Variants in LRP1B observed in about 807,000 individuals in gnomAD.
LRP1B encodes the protein LDL receptor related protein 1B.
Under a neutral mutation model 556.6 loss-of-function variants are expected in LRP1B, and 217 were observed. That is an observed-to-expected ratio of 0.39 (90% CI 0.35 to 0.44). The LOEUF is 0.44. Ranked by LOEUF, LRP1B falls within the 20% of genes least tolerant of loss-of-function variation. The pLI, the probability that LRP1B is intolerant of heterozygous loss-of-function variation, is 1.00. For synonymous variants in LRP1B, 2,047 were observed against 1,865.8 expected, an observed-to-expected ratio of 1.10 and a Z score of -2.50; for missense variants, 5,053 against 5,620.8, an observed-to-expected ratio of 0.90 and a Z score of 3.23.
At chr2:140,272,257 AAACACACAC>A (rs398104763) in intron 85 of LRP1B, among the ~76,000 whole-genome samples, 1 of 79,886 alleles carries the variant, frequency 1.3e-5, no homozygotes, top group South Asian at 5.2e-4. Flanking sequence ...GTGCACACAC[AAACACACAC>A]ACACACACAC....
chr2:141,242,343 AAAGT>A (rs1558955161), intron 5 of LRP1B, among the ~76,000 whole-genome samples: 1 of 152,156 alleles, frequency 6.6e-6, no homozygotes, highest in Non-Finnish European at 1.5e-5. Context: ...CTAGAGTTTT[AAAGT>A]AAGAGCCATA....
At chr2:141,135,395 A>G (rs1351373476) in intron 7 of LRP1B, among the ~76,000 whole-genome samples, 2 of 151,986 alleles carry the variant, frequency 1.3e-5, no homozygotes. Context: ...CATTTTATAT[A>G]TAATTCCTAG....
In LRP1B at chr2:141,679,950, C is replaced by T. The variant is rs966001047; in HGVS notation, c.205+130329G>A. On this transcript the variant is annotated intron_variant, in intron 2 of 90. Transcript: ENST00000389484. ...ATATTAGGGTGGAAAGTTTATATAT[C>T]TATCTTAAGATAATAGTCAACTCTG... Among the ~76,000 whole-genome samples, 8 of 151,526 alleles carry T rather than the reference C, an allele frequency of 5.3e-5. No individual in the cohort carries two copies. The South Asian group carries it at 1.7e-3, about 31-fold the overall frequency.
intron 1 of LRP1B, among the ~76,000 whole-genome samples, chr2:141,826,709 T>C (rs1208562530): frequency 6.6e-6 from 1 of 152,200 alleles, no homozygotes; most frequent in Non-Finnish European, 1.5e-5. Flanking sequence ...ATAATAACTC[T>C]GAAAGTAATC....
intron 2 of LRP1B, among the ~76,000 whole-genome samples, chr2:141,613,603 T>C (rs1688186392): frequency 6.6e-6 from 1 of 152,200 alleles, no homozygotes; most frequent in African/African-American, 2.4e-5. Context: ...ACACTTTACA[T>C]TGGAGTCAAT....
At chr2:141,084,517 A>G (rs987398899) in intron 7 of LRP1B, among the ~76,000 whole-genome samples, 1 of 152,192 alleles carries the variant, frequency 6.6e-6, no homozygotes, top group African/African-American at 2.4e-5. Flanking sequence ...GTTATAGTAC[A>G]ATTTATACTT....
intron 43 of LRP1B, among the ~76,000 whole-genome samples, chr2:140,560,657 C>T (rs537347478): frequency 2.6e-5 from 4 of 152,182 alleles, no homozygotes. Flanking sequence ...CCATATTTAA[C>T]AATAGCAAAA....
At chr2:140,960,565 A>G (rs1696004661) in intron 18 of LRP1B, among the ~76,000 whole-genome samples, 1 of 151,858 alleles carries the variant, frequency 6.6e-6, no homozygotes, top group Non-Finnish European at 1.5e-5. Flanking sequence ...AACGTTAAAA[A>G]AAGAAGCATG....
intron 41 of LRP1B, among the ~76,000 whole-genome samples, chr2:140,640,321 C>G (rs1264698442): frequency 6.8e-6 from 1 of 146,050 alleles, no homozygotes; most frequent in Non-Finnish European, 1.5e-5. Context: ...GATTATTTCA[C>G]TGGTCACCCT....
At chr2:141,932,769 T>C (rs1231096371) in intron 1 of LRP1B, among the ~76,000 whole-genome samples, 1 of 152,020 alleles carries the variant, frequency 6.6e-6, no homozygotes, top group African/African-American at 2.4e-5. Context: ...TTGAAGAAAG[T>C]TTATTTTGAA....
At chr2:142,124,220 T>C (rs1005615835) in intron 1 of LRP1B, among the ~76,000 whole-genome samples, 2 of 151,660 alleles carry the variant, frequency 1.3e-5, no homozygotes, top group African/African-American at 2.4e-5. Context: ...ACCCCAATCA[T>C]GTTGAGACAT....
intron 87 of LRP1B, among the ~76,000 whole-genome samples, chr2:140,242,178 T>C (rs1052789399): frequency 1.2e-4 from 18 of 151,148 alleles, no homozygotes; most frequent in Non-Finnish European, 2.2e-4. Flanking sequence ...ACATTAATTA[T>C]ATTTGTCTCA....
chr2:140,641,668 C>T (rs530028763), intron 41 of LRP1B, among the ~76,000 whole-genome samples: 3 of 152,276 alleles, frequency 2.0e-5, no homozygotes, highest in African/African-American at 7.2e-5. Flanking sequence ...CAGTGCCAAG[C>T]ATGGTGCCTA....
At chr2:140,914,102 A>T (rs1430428470) in intron 21 of LRP1B, among the ~76,000 whole-genome samples, 1 of 152,134 alleles carries the variant, frequency 6.6e-6, no homozygotes, top group African/African-American at 2.4e-5. Flanking sequence ...GATTCAGCAA[A>T]TTTGAACGAC....
intron 7 of LRP1B, among the ~76,000 whole-genome samples, chr2:141,106,383 T>C (rs1469402231): frequency 6.6e-6 from 1 of 152,186 alleles, no homozygotes. Context: ...TATTTTTAAA[T>C]CATTTTCTAA....
At chr2:141,647,248 T>C (rs1414998109) in intron 2 of LRP1B, among the ~76,000 whole-genome samples, 1 of 152,206 alleles carries the variant, frequency 6.6e-6, no homozygotes, top group Admixed American at 6.5e-5. Flanking sequence ...TTCTAGTCAA[T>C]CTACTGGGTA....
intron 23 of LRP1B, among the ~76,000 whole-genome samples, chr2:140,895,629 T>C (rs986392201): frequency 3.3e-5 from 5 of 152,154 alleles, no homozygotes; most frequent in African/African-American, 1.2e-4. Context: ...CAACCCCCTG[T>C]AACCTGAGCT....
rs1304270150 is a variant in LRP1B, at chr2:140,370,946, G to A, written c.10876-104C>T. The A allele has an allele frequency of 4.1e-6, 5 of 1,233,254 alleles. No homozygotes were observed. The African/African-American group carries it at 4.6e-5, about 11-fold the overall frequency. 76.4% of individuals were successfully genotyped at this position (1,233,254 alleles called of 1,614,324 possible). Reference sequence around the variant, plus strand: ...TAATACTAGAGCTTTATTATACCATGGGCTTTCTTTCATTTTGTCTTAATG... The same window carrying A: ...TAATACTAGAGCTTTATTATACCATAGGCTTTCTTTCATTTTGTCTTAATG... On this transcript the variant is annotated intron_variant, in intron 70 of 90. Coordinates refer to ENST00000389484, the MANE Select transcript of LRP1B (RefSeq NM_018557.3).
intron 1 of LRP1B, among the ~76,000 whole-genome samples, chr2:142,127,398 C>CCATCCATCCATT (rs1289008518): frequency 1.3e-5 from 2 of 151,760 alleles, no homozygotes; most frequent in African/African-American, 4.8e-5. Context: ...ATCCATCCAT[C>CCATCCATCCATT]CATCCATTCA....
Sources: gnomAD v4.1 joint callset for allele counts (sites outside exome capture counted in the v4.1 genomes callset) on GRCh38, gnomAD v4.1.1 for gene constraint, MANE v1.5 for transcripts, NCBI Gene and HGNC (gene_info 2026-07-23, HGNC 2026-07-21) for gene names.